KCNT2: variants seen among roughly 807,000 people sequenced by gnomAD.
KCNT2 encodes the protein potassium channel subfamily T member 2.
Under a neutral mutation model 153.8 loss-of-function variants are expected in KCNT2, and 67 were observed. That is an observed-to-expected ratio of 0.44 (90% CI 0.36 to 0.53). The LOEUF is 0.53. KCNT2 is among the 20% of genes least tolerant of loss of function. KCNT2 has a pLI of 0.00. For missense variants in KCNT2, 975 were observed against 1,354.8 expected (o/e 0.72, Z 4.40); for synonymous variants, 500 against 458.8 (o/e 1.09, Z -1.15).
At chr1:196,421,110 T>C (rs1348630487) in intron 12 of KCNT2, among the ~76,000 whole-genome samples, 2 of 152,078 alleles carry the variant, frequency 1.3e-5, no homozygotes, top group African/African-American at 2.4e-5. Flanking sequence ...CTTCCTTCAC[T>C]GTTGACACTC....
intron 19 of KCNT2, among the ~76,000 whole-genome samples, chr1:196,320,724 A>C (rs1166825317): frequency 6.6e-6 from 1 of 151,634 alleles, no homozygotes; most frequent in African/African-American, 2.4e-5. Context: ...AAAAAAAAAA[A>C]AACTTGTAAA....
chr1:196,433,604 C>T (rs1043941475), intron 8 of KCNT2, among the ~76,000 whole-genome samples: 2 of 151,606 alleles, frequency 1.3e-5, no homozygotes, highest in Non-Finnish European at 2.9e-5. Flanking sequence ...ATATTATGTC[C>T]CCATAAAGCT....
chr1:196,404,499 C>T (rs1006841051), intron 12 of KCNT2, among the ~76,000 whole-genome samples: 1 of 151,600 alleles, frequency 6.6e-6, no homozygotes, highest in Non-Finnish European at 1.5e-5. Context: ...TTCTCTCTAG[C>T]GATAATGCAC....
chr1:196,469,215 T>A, intron 5 of KCNT2, 147 bp from the exon 6 acceptor site: 1 of 523,584 alleles, frequency 1.9e-6, no homozygotes, highest in Non-Finnish European at 3.5e-6. Context: ...AGCAATGACT[T>A]TTAGAGATTA....
At chr1:196,272,832 G>A (rs541930508) in intron 25 of KCNT2, among the ~76,000 whole-genome samples, 88 of 151,964 alleles carry the variant, frequency 5.8e-4, no homozygotes, top group Admixed American at 2.6e-3. Flanking sequence ...GCCAGAGGAT[G>A]GGGGAAATGG....
intron 13 of KCNT2, 41 bp from the exon 14 acceptor site, chr1:196,373,289 T>C (rs762158538): frequency 2.3e-6 from 2 of 856,434 alleles, no homozygotes; most frequent in South Asian, 2.8e-5. Flanking sequence ...AATTTACCTT[T>C]GGAGAGTAAT....
intron 12 of KCNT2, among the ~76,000 whole-genome samples, chr1:196,407,521 A>T (rs1341519241): frequency 6.6e-6 from 1 of 151,508 alleles, no homozygotes; most frequent in African/African-American, 2.4e-5. Context: ...AAAATTGCAA[A>T]ATCTCCCAAA....
At chr1:196,467,637 C>T in intron 7 of KCNT2, 66 bp downstream of exon 7, 1 of 1,063,190 alleles carries the variant, frequency 9.4e-7, no homozygotes, top group Non-Finnish European at 1.4e-6. Flanking sequence ...TCTGTTTAAT[C>T]TAAACATTGA....
chr1:196,359,093 A>G (rs534639661), intron 14 of KCNT2, among the ~76,000 whole-genome samples: 41 of 152,000 alleles, frequency 2.7e-4, no homozygotes, highest in Non-Finnish European at 5.3e-4. Flanking sequence ...CGAATGATAA[A>G]TGTCTAGCCA....
intron 26 of KCNT2, among the ~76,000 whole-genome samples, chr1:196,253,063 C>T (rs184947945): frequency 5.3e-5 from 8 of 150,844 alleles, no homozygotes; most frequent in Admixed American, 2.6e-4. Flanking sequence ...ATTTATATTG[C>T]TTGGGTTTCA....
chr1:196,408,149 A>ATCAACTT (rs1440168484), intron 12 of KCNT2, among the ~76,000 whole-genome samples: 5 of 151,570 alleles, frequency 3.3e-5, no homozygotes, highest in Non-Finnish European at 5.9e-5. Flanking sequence ...AACAAGAAAA[A>ATCAACTT]TCAACTTCCA....
At chr1:196,368,764 C>T (rs539914889) in intron 14 of KCNT2, among the ~76,000 whole-genome samples, 1 of 152,132 alleles carries the variant, frequency 6.6e-6, no homozygotes, top group African/African-American at 2.4e-5. Flanking sequence ...TGTCATTTCT[C>T]CCAAATCCCT....
chr1:196,398,466 A>C, intron 13 of KCNT2, 97 bp downstream of exon 13: 1 of 587,722 alleles, frequency 1.7e-6, no homozygotes, highest in East Asian at 2.9e-5. Flanking sequence ...TAGAATCTTG[A>C]ATACTTTAAG....
intron 26 of KCNT2, among the ~76,000 whole-genome samples, chr1:196,238,392 G>A (rs1294939929): frequency 6.6e-6 from 1 of 151,676 alleles, no homozygotes; most frequent in Non-Finnish European, 1.5e-5. Context: ...CACAAACCAC[G>A]GAATTGGAGC....
At chr1:196,314,390 A>G (rs1242559313) in intron 21 of KCNT2, among the ~76,000 whole-genome samples, 2 of 151,550 alleles carry the variant, frequency 1.3e-5, no homozygotes, top group Non-Finnish European at 3.0e-5. Context: ...TATATTCTCT[A>G]GAGAAAAAAA....
intron 1 of KCNT2, among the ~76,000 whole-genome samples, chr1:196,592,823 T>A (rs1395793292): frequency 2.0e-5 from 3 of 148,846 alleles, no homozygotes; most frequent in Non-Finnish European, 3.0e-5. Flanking sequence ...GTACTTTTAC[T>A]TTTATGTATT....
chr1:196,338,033 A>G (rs1665209896), intron 16 of KCNT2, among the ~76,000 whole-genome samples: 1 of 152,112 alleles, frequency 6.6e-6, no homozygotes, highest in African/African-American at 2.4e-5. Flanking sequence ...TTAGGCACAC[A>G]ATAAGTACTT....
chr1:196,444,348 A>G (rs754861756), intron 8 of KCNT2, among the ~76,000 whole-genome samples: 6 of 151,414 alleles, frequency 4.0e-5, no homozygotes, highest in Non-Finnish European at 8.9e-5. Context: ...ACAAAAGGTC[A>G]ATCGTTCTAA....
intron 1 of KCNT2, among the ~76,000 whole-genome samples, chr1:196,599,273 G>C (rs1326110766): frequency 6.6e-6 from 1 of 152,184 alleles, no homozygotes; most frequent in South Asian, 2.1e-4. Flanking sequence ...TTCCCACAGG[G>C]AGTTAAATGA....
Sources: gnomAD v4.1 joint callset for allele counts (sites outside exome capture counted in the v4.1 genomes callset) on GRCh38, gnomAD v4.1.1 for gene constraint, MANE v1.5 for transcripts, NCBI Gene and HGNC (gene_info 2026-07-23, HGNC 2026-07-21) for gene names.